The following DISC1 variants were observed in gnomAD, a reference collection of about 807,000 sequenced individuals.
DISC1 encodes DISC1 scaffold protein.
DISC1 carries 57 observed loss-of-function variants against 84.5 expected under a neutral mutation model. That is an observed-to-expected ratio of 0.67 (90% CI 0.55 to 0.84). The LOEUF (loss-of-function observed/expected upper bound fraction) is 0.84. DISC1 is among the 40% of genes least tolerant of loss of function. The pLI, the probability that DISC1 is intolerant of heterozygous loss-of-function variation, is 0.00. For synonymous variants in DISC1, 411 were observed against 415.2 expected (o/e 0.99, Z 0.12); for missense variants, 1,000 against 1,057.8 (o/e 0.95, Z 0.76).
In DISC1 at chr1:231,701,976, C is replaced by T; in HGVS notation, c.1069C>T (p.Leu357Phe). 1 of 1,605,360 alleles carries T rather than the reference C, an allele frequency of 6.2e-7. No homozygotes were observed. Among genetic ancestry groups the T allele is most frequent in the Non-Finnish European group, 8.5e-7 (1 of 1,175,722 alleles). ...ATAGGTAATATCCTTAAGATTAAAA[C>T]TTCAGAAACTTCAGGAAGATGCAGT... The part of the protein sequence containing the change: ...QMEVISLRLK[L>F]QKLQEDAVEN... The change falls in exon 3 of 13, where the codon CTT becomes TTT. Residue 357 changes from leucine to phenylalanine, a missense_variant. This residue lies in a region of DISC1 where 311 missense variants were observed against 400.1 expected (regional missense o/e 0.78). Coordinates refer to ENST00000439617, the MANE Select transcript of DISC1 (RefSeq NM_018662.3).
At chr1:231,852,373 C>T (rs1002195078) in intron 9 of DISC1, among the ~76,000 whole-genome samples, 1 of 152,160 alleles carries the variant, frequency 6.6e-6, no homozygotes, top group Non-Finnish European at 1.5e-5. Flanking sequence ...ATTGGTTTCA[C>T]TTCCCTTTGC....
intron 12 of DISC1, among the ~76,000 whole-genome samples, chr1:232,029,745 C>A (rs1176421313): frequency 6.6e-6 from 1 of 152,166 alleles, no homozygotes; most frequent in Non-Finnish European, 1.5e-5. Flanking sequence ...GATGTTTATT[C>A]TTTGTGTGGA....
At chr1:231,677,700 C>T (rs61707606) in intron 1 of DISC1, among the ~76,000 whole-genome samples, 44,270 of 152,004 alleles carry the variant, frequency 0.29, 7,599 homozygotes, top group East Asian at 0.58. Flanking sequence ...CACTTCATGC[C>T]AGGTGCGGTG....
intron 9 of DISC1, among the ~76,000 whole-genome samples, chr1:231,841,806 T>A (rs12139080): frequency 5.5e-5 from 6 of 108,830 alleles, no homozygotes; most frequent in African/African-American, 1.8e-4. Context: ...TATTAATAAC[T>A]GTTAATCAAC....
At chr1:231,830,642 T>G (rs142011397) in intron 9 of DISC1, among the ~76,000 whole-genome samples, 4,031 of 152,076 alleles carry the variant, frequency 0.027, 169 homozygotes, top group African/African-American at 0.09. Context: ...CAGAAGATAG[T>G]AGGGATGACA....
At chr1:231,710,166 A>G (rs2067632230) in intron 3 of DISC1, among the ~76,000 whole-genome samples, 1 of 152,128 alleles carries the variant, frequency 6.6e-6, no homozygotes, top group Admixed American at 6.6e-5. Context: ...GTGAGGTCCC[A>G]TCTCTACAAA....
chr1:231,756,556 AGAGAG>A (rs1444179906), intron 4 of DISC1, among the ~76,000 whole-genome samples: 6 of 139,140 alleles, frequency 4.3e-5, no homozygotes, highest in African/African-American at 1.6e-4. Context: ...AGAGAGAGAG[AGAGAG>A]AGACTGACTT....
intron 4 of DISC1, among the ~76,000 whole-genome samples, chr1:231,758,869 C>G (rs61318289): frequency 1.1e-4 from 16 of 152,314 alleles, no homozygotes; most frequent in African/African-American, 3.4e-4. Context: ...CCAATATGTA[C>G]GTGAAAACTG....
rs143134663 is a variant in DISC1 at position 231,658,430 on chromosome 1, A to G, written c.67+31496A>G. 8.6e-3 allele frequency among the ~76,000 whole-genome samples: 1,306 copies of G among 152,316 alleles called. 24 individuals carry two copies. Among genetic ancestry groups the G allele is most frequent in the African/African-American group, 0.029 (1,225 of 41,554 alleles). On this transcript the variant is annotated intron_variant, in intron 1 of 12. Coordinates refer to ENST00000439617, the MANE Select transcript of DISC1 (RefSeq NM_018662.3). Reference sequence around the variant, plus strand: ...AGGATCATGTCATCTGCAAACAAAGATAATTTGACTTCCTCTCTTCCTATT... The same window carrying G: ...AGGATCATGTCATCTGCAAACAAAGGTAATTTGACTTCCTCTCTTCCTATT...
intron 1 of DISC1, among the ~76,000 whole-genome samples, chr1:231,643,851 G>A (rs540625061): frequency 9.9e-5 from 15 of 152,276 alleles, no homozygotes; most frequent in Middle Eastern, 3.4e-3. Flanking sequence ...GGTACTGGCC[G>A]AGGGGTGAAT....
At chr1:231,700,498 A>G (rs2066276931) in intron 2 of DISC1, among the ~76,000 whole-genome samples, 2 of 152,210 alleles carry the variant, frequency 1.3e-5, no homozygotes, top group Non-Finnish European at 2.9e-5. Context: ...ATATGTGTTA[A>G]TCAACTGTTT....
intron 8 of DISC1, among the ~76,000 whole-genome samples, chr1:231,813,608 C>T (rs536700314): frequency 1.3e-5 from 2 of 152,336 alleles, no homozygotes; most frequent in African/African-American, 4.8e-5. Flanking sequence ...CATGGAAGTG[C>T]AGTCTGCTCT....
At chr1:232,012,646 C>T (rs1668124842) in intron 11 of DISC1, among the ~76,000 whole-genome samples, 1 of 152,224 alleles carries the variant, frequency 6.6e-6, no homozygotes, top group African/African-American at 2.4e-5. Flanking sequence ...AAATTACTGA[C>T]TTCTTATAGA....
chr1:231,786,552 G>A (rs559108264), intron 6 of DISC1, among the ~76,000 whole-genome samples: 12 of 152,318 alleles, frequency 7.9e-5, no homozygotes, highest in African/African-American at 2.9e-4. Context: ...GTTACTGGTG[G>A]TACGAGGAAC....
chr1:231,868,987 G>T (rs959537652), intron 9 of DISC1, among the ~76,000 whole-genome samples: 1 of 151,924 alleles, frequency 6.6e-6, no homozygotes, highest in Non-Finnish European at 1.5e-5. Flanking sequence ...CAAGAGCAGG[G>T]GTATGTACTG....
chr1:231,873,114 A>G (rs7523846), intron 9 of DISC1, among the ~76,000 whole-genome samples: 17,521 of 152,204 alleles, frequency 0.12, 1,177 homozygotes, highest in East Asian at 0.32. Flanking sequence ...CCAGGGCCTA[A>G]TCTCACAAGC....
chr1:232,009,247 A>G lies in DISC1; in HGVS notation c.2307+198A>G. On this transcript the variant is annotated intron_variant, in intron 11 of 12. Coordinates refer to ENST00000439617, the MANE Select transcript of DISC1 (RefSeq NM_018662.3). This position sits in a 1 kb window ranked among gnomAD's most constrained non-coding sequence, Gnocchi z 4.6. ...GAAGTTTGAAATATAGAAGAGCAAA[A>G]AAACCCAACTTTTGGCATATTTAGT... 1 of 1,387,870 alleles carries G rather than the reference A, an allele frequency of 7.2e-7. No homozygotes were observed. 86.0% of individuals were successfully genotyped at this position (1,387,870 alleles called of 1,614,324 possible).
rs371673083 is a variant in DISC1 at position 231,818,541 on chromosome 1, C to T, written c.1981+24C>T. On this transcript the variant is annotated intron_variant, in intron 9 of 12. Transcript: ENST00000439617. ...TGGTAGGTAGTGCACAACTGTTCCC[C>T]GGCAAGATATTGATGATATTTGTTG... 38 of 1,613,502 alleles carry T rather than the reference C, an allele frequency of 2.4e-5. No individual in the cohort carries two copies. The East Asian group carries it at 3.8e-4, about 16-fold the overall frequency.
chr1:231,844,840 T>C (rs11586490), intron 9 of DISC1, among the ~76,000 whole-genome samples: 49,239 of 147,856 alleles, frequency 0.33, 8,455 homozygotes, highest in East Asian at 0.4. Flanking sequence ...GGCAGGAGAA[T>C]GGCATGAACC....
Sources: allele counts gnomAD v4.1 joint callset (sites outside exome capture counted in the v4.1 genomes callset), GRCh38; gene constraint gnomAD v4.1.1; regional missense constraint gnomAD v4.1.1; non-coding constraint Gnocchi (gnomAD v3.1); transcripts MANE v1.5; gene names NCBI Gene and HGNC (gene_info 2026-07-23, HGNC 2026-07-21).